The following ANKH variants were observed in gnomAD, a reference collection of about 807,000 sequenced individuals.
The protein encoded by ANKH is ANKH inorganic pyrophosphate transport regulator, also known as mineralization regulator ANKH.
Under a neutral mutation model 49.0 loss-of-function variants are expected in ANKH, and 15 were observed. That is an observed-to-expected ratio of 0.31 (90% CI 0.20 to 0.47). ANKH has a LOEUF of 0.47. Ranked by LOEUF, ANKH falls within the 20% of genes least tolerant of loss-of-function variation. The pLI is 1.00. For synonymous variants in ANKH, 273 were observed against 260.0 expected, an observed-to-expected ratio of 1.05 and a Z score of -0.48; for missense variants, 429 against 652.0, an observed-to-expected ratio of 0.66 and a Z score of 3.72.
intron 8 of ANKH, among the ~76,000 whole-genome samples, chr5:14,728,951 C>T (rs1390687600): frequency 6.6e-6 from 1 of 152,204 alleles, no homozygotes; most frequent in African/African-American, 2.4e-5. Context: ...GCGCGGAAGG[C>T]CCTCTCCACT....
In ANKH at chr5:14,751,193, T is replaced by A; in HGVS notation, c.563A>T (p.Glu188Val). 1 of 1,614,146 alleles carries A rather than the reference T, an allele frequency of 6.2e-7. No individual in the cohort carries two copies. The highest frequency in any genetic ancestry group is 8.5e-7 in the Non-Finnish European group (1 of 1,180,034). Residue 188 changes from glutamate to valine, a missense_variant, in exon 5 of 12, where the codon GAG becomes GTG. Around this residue, in one of 2 missense-constraint regions of ANKH, gnomAD observed 378 missense variants for 615.3 expected, o/e 0.61. Coordinates refer to ENST00000284268, the MANE Select transcript of ANKH (RefSeq NM_054027.6). ...GGAGAGGATCGGGATGAGCAGGGGC[T>A]CCCGGCATTCCAGGTGACTGTGAAG... is the stretch of plus-strand genomic sequence containing the variant. ...ILLHSHLECR[E>V]PLLIPILSLY...
chr5:14,722,534 A>C (rs370397560), intron 8 of ANKH, among the ~76,000 whole-genome samples: 17 of 152,338 alleles, frequency 1.1e-4, no homozygotes, highest in African/African-American at 3.8e-4. Context: ...CCCCAAAATA[A>C]AAGAATGGGA....
In ANKH at chr5:14,868,397, CTT is replaced by C. The variant is rs761123760; in HGVS notation, c.96+2953_96+2954del. On this transcript the variant is annotated intron_variant, in intron 1 of 11. Transcript: ENST00000284268. ...GGTTTTATTTTTTAATTTTGCATTT[CTT>C]TTTTTTTTTTTTTTTAGACGGAGTC... The C allele has an allele frequency of 4.4e-4, 59 of 133,324 alleles. No homozygotes were observed. The East Asian group carries it at 5.8e-3, about 13-fold the overall frequency. The allele number at this position is 133,324 out of a possible 1,614,324, so 8.3% of individuals were successfully genotyped here.
intron 1 of ANKH, among the ~76,000 whole-genome samples, chr5:14,771,921 G>GAAAA (rs869185652): frequency 1.6e-3 from 87 of 53,352 alleles, no homozygotes; most frequent in African/African-American, 3.7e-3. Context: ...CTCAAAAAAA[G>GAAAA]AAAAAAAAAA....
At chr5:14,734,299 C>A (rs1208260738) in intron 8 of ANKH, among the ~76,000 whole-genome samples, 1 of 151,798 alleles carries the variant, frequency 6.6e-6, no homozygotes, top group Non-Finnish European at 1.5e-5. Flanking sequence ...TTAGTTTAGC[C>A]CGTGCAGTCT....
chr5:14,825,917 T>G (rs1580098081), intron 1 of ANKH: 1 of 152,358 alleles, frequency 6.6e-6, no homozygotes, highest in South Asian at 2.1e-4. Context: ...AATCTAGAGG[T>G]TAGGGTTAGA....
intron 8 of ANKH, among the ~76,000 whole-genome samples, chr5:14,732,154 C>T (rs1407603470): frequency 4.6e-5 from 7 of 152,190 alleles, no homozygotes; most frequent in Non-Finnish European, 7.3e-5. Context: ...GATGTCTAGT[C>T]AGAGGACTCA....
At chr5:14,850,610 C>A (rs1303901974) in intron 1 of ANKH, among the ~76,000 whole-genome samples, 1 of 152,220 alleles carries the variant, frequency 6.6e-6, no homozygotes, top group African/African-American at 2.4e-5. Flanking sequence ...GCAGTGCCAA[C>A]AGTCCTACTA....
At chr5:14,736,102 G>A (rs965137693) in intron 8 of ANKH, among the ~76,000 whole-genome samples, 1 of 140,028 alleles carries the variant, frequency 7.1e-6, no homozygotes, top group Non-Finnish European at 1.5e-5. Flanking sequence ...TCTATTGCAT[G>A]AGGCCACGTG....
At chr5:14,853,107 C>G (rs745624850) in intron 1 of ANKH, among the ~76,000 whole-genome samples, 3 of 152,180 alleles carry the variant, frequency 2.0e-5, no homozygotes, top group Non-Finnish European at 2.9e-5. Context: ...CAACCTCCCC[C>G]CAAACTACCA....
intron 1 of ANKH, among the ~76,000 whole-genome samples, chr5:14,837,228 AAAAC>A (rs1242986091): frequency 6.6e-6 from 1 of 152,238 alleles, no homozygotes; most frequent in Non-Finnish European, 1.5e-5. Flanking sequence ...TCATGACTAA[AAAAC>A]AAAACAAAAG....
intron 3 of ANKH, 118 bp downstream of exon 3, chr5:14,758,362 G>A (rs1374943564): frequency 1.3e-6 from 1 of 773,498 alleles, no homozygotes; most frequent in Non-Finnish European, 2.2e-6. Flanking sequence ...TAATGTGAAT[G>A]TACTTCCTGC....
At position 14,707,350 on chromosome 5, in the gene ANKH, C is replaced by T. The variant is rs1736979627; in HGVS notation, c.*3847G>A. 1 of 152,004 alleles carries T rather than the reference C, an allele frequency of 6.6e-6. No homozygotes were observed. 9.4% of individuals were successfully genotyped at this position (152,004 alleles called of 1,614,324 possible). A position where few individuals can be genotyped will look rare whatever the true frequency, so the allele number is the denominator to read the frequency against. ...CTTCAAATCGATGTGTTCCTAGAAA[C>T]CAAGGATATAGAAAAGTTACTCTCC... On this transcript the variant is annotated 3_prime_UTR_variant, in exon 12 of 12. Transcript: ENST00000284268.
At chr5:14,772,480 A>G (rs970442227) in intron 1 of ANKH, among the ~76,000 whole-genome samples, 1 of 152,034 alleles carries the variant, frequency 6.6e-6, no homozygotes, top group African/African-American at 2.4e-5. Context: ...CCTTTTTTCC[A>G]CTAATAACGG....
chr5:14,836,099 G>T (rs1741643585), intron 1 of ANKH, among the ~76,000 whole-genome samples: 1 of 152,088 alleles, frequency 6.6e-6, no homozygotes, highest in Non-Finnish European at 1.5e-5. Context: ...AATAAACTAG[G>T]TATTGATGGG....
intron 1 of ANKH, among the ~76,000 whole-genome samples, chr5:14,804,821 G>C (rs1222484738): frequency 6.6e-6 from 1 of 152,168 alleles, no homozygotes; most frequent in Non-Finnish European, 1.5e-5. Flanking sequence ...CATAGGATTT[G>C]GTTCTTTCTC....
At chr5:14,786,208 C>A (rs1466267838) in intron 1 of ANKH, among the ~76,000 whole-genome samples, 1 of 152,070 alleles carries the variant, frequency 6.6e-6, no homozygotes, top group Non-Finnish European at 1.5e-5. Flanking sequence ...AAACTATAAA[C>A]TTCCTGGAAA....
In ANKH at chr5:14,770,188, A is replaced by C. The variant is rs888824260; in HGVS notation, c.97-997T>G. 3.9e-5 allele frequency among the ~76,000 whole-genome samples: 6 copies of C among 152,208 alleles called. No individual in the cohort carries two copies. The highest frequency in any genetic ancestry group is 7.3e-5 in the Non-Finnish European group (5 of 68,032). ...CAGTTTTAGGTTCACAGTAAAATTG[A>C]GCAGAAAGTACAGAGCATTCCCATA... On this transcript the variant is annotated intron_variant, in intron 1 of 11. Transcript: ENST00000284268. This position sits in a 1 kb window ranked among gnomAD's most constrained non-coding sequence, Gnocchi z 4.1.
chr5:14,843,649 T>G (rs1741877513), intron 1 of ANKH, among the ~76,000 whole-genome samples: 1 of 148,098 alleles, frequency 6.8e-6, no homozygotes, highest in African/African-American at 2.5e-5. Flanking sequence ...GGTCAGAATA[T>G]AGAACCTGAG....
Sources: allele counts gnomAD v4.1 joint callset (sites outside exome capture counted in the v4.1 genomes callset), GRCh38; gene constraint gnomAD v4.1.1; regional missense constraint gnomAD v4.1.1; non-coding constraint Gnocchi (gnomAD v3.1); transcripts MANE v1.5; gene names NCBI Gene and HGNC (gene_info 2026-07-23, HGNC 2026-07-21).